TRIM24: variants seen among roughly 807,000 people sequenced by gnomAD.
TRIM24 encodes the protein tripartite motif containing 24.
In TRIM24, 29 loss-of-function variants were observed where a neutral mutation model predicts 123.9. The observed-to-expected ratio is 0.23, with a 90% CI of 0.17 to 0.32. TRIM24 has a LOEUF of 0.32. Among genes scored for constraint, TRIM24 ranks in the 10% least tolerant of loss-of-function variants. The pLI is 1.00. For synonymous variants in TRIM24, 456 were observed against 461.1 expected (o/e 0.99, Z 0.14); for missense variants, 932 against 1,295.3 (o/e 0.72, Z 4.31).
chr7:138,532,227 C>T (rs1021060005), intron 6 of TRIM24, among the ~76,000 whole-genome samples: 1 of 151,810 alleles, frequency 6.6e-6, no homozygotes, highest in Non-Finnish European at 1.5e-5. Context: ...TAATTAGATC[C>T]CATTTGTCAA....
intron 6 of TRIM24, among the ~76,000 whole-genome samples, chr7:138,532,144 C>T (rs6955814): frequency 7.3e-5 from 11 of 150,966 alleles, no homozygotes; most frequent in Non-Finnish European, 1.3e-4. Context: ...GATTGCAAAA[C>T]TTTTTTCCCA....
chr7:138,460,892 C>T lies in TRIM24; in HGVS notation c.344C>T (p.Ser115Leu), dbSNP rs776639022. ...VPAPGSPVSG[S>L]SPFATQVGVI... ...GCCCCCGGCTCGCCGGTCAGCGGCT[C>T]GTCGCCGTTCGCCACCCAAGGTGAG... is the stretch of plus-strand genomic sequence containing the variant. Residue 115 changes from serine (S) to leucine (L), a missense_variant, in exon 1 of 19, where the codon TCG becomes TTG. Around this residue, in one of 7 missense-constraint regions of TRIM24, gnomAD observed 164 missense variants for 181.9 expected, o/e 0.90. Coordinates refer to ENST00000343526, the MANE Select transcript of TRIM24 (RefSeq NM_015905.3). 4.0e-6 allele frequency: 6 copies of T among 1,511,976 alleles called. No homozygotes were observed. The highest frequency in any genetic ancestry group is 2.9e-5 in the African/African-American group (2 of 69,820). 93.7% of individuals were successfully genotyped at this position (1,511,976 alleles called of 1,614,324 possible). A position where few individuals can be genotyped will look rare whatever the true frequency, so the allele number is the denominator to read the frequency against.
chr7:138,490,273 A>G (rs1221554466), intron 1 of TRIM24, among the ~76,000 whole-genome samples: 1 of 152,108 alleles, frequency 6.6e-6, no homozygotes, highest in Non-Finnish European at 1.5e-5. Flanking sequence ...CAAGGTTTTT[A>G]GCTTCCTTGT....
At chr7:138,506,999 G>C (rs1397460729) in intron 2 of TRIM24, among the ~76,000 whole-genome samples, 2 of 152,060 alleles carry the variant, frequency 1.3e-5, no homozygotes, top group African/African-American at 4.8e-5. Flanking sequence ...TTTACTGCCT[G>C]GATGGTGCCT....
chr7:138,510,297 G>A (rs1796258609), intron 2 of TRIM24, among the ~76,000 whole-genome samples: 1 of 152,214 alleles, frequency 6.6e-6, no homozygotes, highest in African/African-American at 2.4e-5. Flanking sequence ...TGGAGTTGGA[G>A]CTGAAAATAG....
At chr7:138,575,368 C>G (rs890195882) in intron 12 of TRIM24, among the ~76,000 whole-genome samples, 2 of 152,002 alleles carry the variant, frequency 1.3e-5, no homozygotes, top group South Asian at 4.2e-4. Context: ...TCATGGTTCA[C>G]TGCAGCCTCA....
rs1313114010 is a variant in TRIM24 at position 138,576,574 on chromosome 7, TA to T, written c.2087+131del. 4.1e-5 allele frequency: 27 copies of T among 656,156 alleles called. 1 individual carries two copies. The African/African-American group carries it at 4.6e-4, about 11-fold the overall frequency. 40.6% of individuals were successfully genotyped at this position (656,156 alleles called of 1,614,324 possible). On this transcript the variant is annotated intron_variant, in intron 13 of 18. Transcript: ENST00000343526. ...CCTTTATTTTTAATTAAAATTTTAA[TA>T]ACTACTATATATTTTAATGAATTAG...
rs1359783070 is a variant in TRIM24 at position 138,586,677 on chromosome 7, AACAGTGCAT to A, written c.*1730_*1738del. 1 of 152,250 alleles carries A rather than the reference AACAGTGCAT, an allele frequency of 6.6e-6. No individual in the cohort carries two copies. Among genetic ancestry groups the A allele is most frequent in the African/African-American group, 2.4e-5 (1 of 41,458 alleles). The allele number at this position is 152,250 out of a possible 1,614,324, so 9.4% of individuals were successfully genotyped here. ...AAAGAGTGTTTGAACAGATTTTGAT[AACAGTGCAT>A]ACACCTTTTGTCTTTTTTTGCTCCA... On this transcript the variant is annotated 3_prime_UTR_variant, in exon 19 of 19. Coordinates refer to ENST00000343526, the MANE Select transcript of TRIM24 (RefSeq NM_015905.3).
chr7:138,536,876 C>G (rs1160318546), intron 6 of TRIM24, among the ~76,000 whole-genome samples: 1 of 152,216 alleles, frequency 6.6e-6, no homozygotes, highest in Admixed American at 6.5e-5. Context: ...GTTCGAGCTT[C>G]CTGGCCGCTT....
chr7:138,475,037 C>T (rs1229675928), intron 1 of TRIM24, among the ~76,000 whole-genome samples: 1 of 152,104 alleles, frequency 6.6e-6, no homozygotes, highest in Non-Finnish European at 1.5e-5. Flanking sequence ...GTGAATACTT[C>T]CTGAGGAAGC....
chr7:138,534,278 C>A (rs1389112491), intron 6 of TRIM24, among the ~76,000 whole-genome samples: 5 of 152,096 alleles, frequency 3.3e-5, no homozygotes, highest in African/African-American at 4.8e-5. Flanking sequence ...TTTGCTCTTG[C>A]TTCTCTAGTT....
At position 138,567,574 on chromosome 7, in the gene TRIM24, C is replaced by T. The variant is rs764136913; in HGVS notation, c.1624C>T (p.Pro542Ser). The change falls in exon 10 of 19, where the codon CCA (proline) becomes TCA (serine). Residue 542 changes from proline to serine, a missense_variant. By Grantham distance (74) the Pro-to-Ser change is moderately conservative. Around this residue, in one of 7 missense-constraint regions of TRIM24, gnomAD observed 527 missense variants for 691.3 expected, o/e 0.76. Coordinates refer to ENST00000343526, the MANE Select transcript of TRIM24 (RefSeq NM_015905.3). ...PPHPQQLRYPPNQNIPRQAIK... is the reference protein window; with the variant it reads ...PPHPQQLRYPSNQNIPRQAIK... ...TCATCCTCAACAACTGAGATATCCA[C>T]CAAACCAGAACATACCACGACAAGC... 1.2e-6 allele frequency: 2 copies of T among 1,614,026 alleles called. No homozygotes were observed. Among genetic ancestry groups the T allele is most frequent in the Non-Finnish European group, 1.7e-6 (2 of 1,179,956 alleles).
intron 7 of TRIM24, among the ~76,000 whole-genome samples, chr7:138,548,082 G>A (rs903961995): frequency 7.9e-5 from 12 of 152,182 alleles, no homozygotes; most frequent in Non-Finnish European, 1.6e-4. Context: ...GCAGGTTATA[G>A]GAAGAGTACA....
chr7:138,534,976 T>G (rs1409761049), intron 6 of TRIM24, among the ~76,000 whole-genome samples: 1 of 152,228 alleles, frequency 6.6e-6, no homozygotes, highest in East Asian at 1.9e-4. Flanking sequence ...GTAATGGCCT[T>G]CTTTGTCTCT....
chr7:138,543,242 T>C (rs1192863415), intron 7 of TRIM24, among the ~76,000 whole-genome samples: 1 of 152,226 alleles, frequency 6.6e-6, no homozygotes, highest in Non-Finnish European at 1.5e-5. Context: ...ATCTATATGA[T>C]ACATAGAAGA....
chr7:138,579,926 T>C (rs1158074467), intron 15 of TRIM24, among the ~76,000 whole-genome samples: 3 of 151,998 alleles, frequency 2.0e-5, no homozygotes, highest in Admixed American at 2.0e-4. Context: ...CTCTCCCTAG[T>C]CATTACAAAA....
rs1794937098 is a variant in TRIM24 at position 138,460,599 on chromosome 7, T to G, written c.51T>G (p.Ala17=). Residue 17 remains alanine (A), a synonymous_variant, in exon 1 of 19, where the codon GCT becomes GCG. Coordinates refer to ENST00000343526, the MANE Select transcript of TRIM24 (RefSeq NM_015905.3). ...TGGCGGCGGCGGCAGCGGCCTCGGCTGCGGCCTCCGGGGGGCCCTCGGCGG... is the reference window on the plus strand; with the variant it reads ...TGGCGGCGGCGGCAGCGGCCTCGGCGGCGGCCTCCGGGGGGCCCTCGGCGG... ...KAVAAAAAAS[A]AASGGPSAAP... 1 of 1,342,800 alleles carries G rather than the reference T, an allele frequency of 7.4e-7. No individual in the cohort carries two copies. The highest frequency in any genetic ancestry group is 1.5e-5 in the African/African-American group (1 of 65,222). 83.2% of individuals were successfully genotyped at this position (1,342,800 alleles called of 1,614,324 possible).
intron 11 of TRIM24, among the ~76,000 whole-genome samples, chr7:138,571,676 AACTC>A (rs1156700684): frequency 1.3e-5 from 2 of 152,236 alleles, no homozygotes; most frequent in Non-Finnish European, 2.9e-5. Flanking sequence ...CATGTAAATT[AACTC>A]ACTCTCCAAA....
intron 2 of TRIM24, among the ~76,000 whole-genome samples, chr7:138,508,708 C>CGTGTGTGTGTTTGCGT (rs1796214739): frequency 7.3e-6 from 1 of 136,194 alleles, no homozygotes; most frequent in South Asian, 2.5e-4. Flanking sequence ...CGCGTGTGTG[C>CGTGTGTGTGTTTGCGT]GTGTGTGTGT....
Sources: gnomAD v4.1 joint callset for allele counts (sites outside exome capture counted in the v4.1 genomes callset) on GRCh38, gnomAD v4.1.1 for gene constraint, gnomAD v4.1.1 regional missense constraint, MANE v1.5 for transcripts, NCBI Gene and HGNC (gene_info 2026-07-23, HGNC 2026-07-21) for gene names.